The following NUDT9 variants were observed in gnomAD, a reference collection of about 807,000 sequenced individuals.
NUDT9 encodes the protein ADP-ribose pyrophosphatase.
NUDT9 carries 31 observed loss-of-function variants against 41.0 expected under a neutral mutation model. The observed-to-expected ratio is 0.76, with a 90% CI of 0.57 to 1.02. The LOEUF is 1.02. Ranked by LOEUF, NUDT9 falls within the 50% of genes least tolerant of loss-of-function variation. The pLI is 0.00. For synonymous variants in NUDT9, 146 were observed against 147.6 expected (o/e 0.99, Z 0.08); for missense variants, 380 against 431.4 (o/e 0.88, Z 1.06).
At chr4:87,430,508 T>C (rs905277203) in intron 1 of NUDT9, among the ~76,000 whole-genome samples, 2 of 152,242 alleles carry the variant, frequency 1.3e-5, no homozygotes, top group African/African-American at 2.4e-5. Context: ...CTGAATCTTT[T>C]TTCAGCAATG....
intron 1 of NUDT9, among the ~76,000 whole-genome samples, chr4:87,425,943 A>T (rs1462064389): frequency 6.6e-6 from 1 of 151,546 alleles, no homozygotes; most frequent in Admixed American, 6.6e-5. Context: ...AGTATCTGGT[A>T]CTACCGGTGC....
intron 4 of NUDT9, 89 bp downstream of exon 4, chr4:87,442,004 CCTGTGTGTATAT>C: frequency 1.2e-6 from 1 of 825,020 alleles, no homozygotes; most frequent in Non-Finnish European, 1.9e-6. Flanking sequence ...TATATGTATA[CCTGTGTGTATAT>C]ACATATGTAT....
At chr4:87,439,616 G>A (rs1042889518) in intron 3 of NUDT9, among the ~76,000 whole-genome samples, 4 of 150,966 alleles carry the variant, frequency 2.6e-5, no homozygotes, top group East Asian at 2.0e-4. Context: ...GGATTGTGCC[G>A]CTGCACTCCA....
Position 87,451,665 on chromosome 4 carries a change from A to G in NUDT9, c.719A>G (p.Gln240Arg). 2 of 1,613,936 alleles carry G rather than the reference A, an allele frequency of 1.2e-6. No homozygotes were observed. Among genetic ancestry groups the G allele is most frequent in the South Asian group, 1.1e-5 (1 of 91,066 alleles). The change falls in exon 6 of 8, where the codon CAG becomes CGG. Residue 240 changes from glutamine (Q) to arginine (R), a missense_variant. Gln to Arg is a conservative substitution (Grantham distance 43, BLOSUM62 1). Coordinates refer to ENST00000302174, the MANE Select transcript of NUDT9 (RefSeq NM_024047.5). The part of the protein sequence containing the change: ...EFGEEALNSL[Q>R]KTSAEKREIE... Reference sequence around the variant, plus strand: ...GGTGAGGAAGCTCTCAACTCCTTACAGAAAACCAGTGCTGAGAAGAGAGAA... The same window carrying G: ...GGTGAGGAAGCTCTCAACTCCTTACGGAAAACCAGTGCTGAGAAGAGAGAA...
chr4:87,429,724 C>T (rs1163208610), intron 1 of NUDT9, among the ~76,000 whole-genome samples: 2 of 135,158 alleles, frequency 1.5e-5, no homozygotes, highest in South Asian at 5.3e-4. Context: ...TCTTCTTTCC[C>T]CCTCATCTCC....
intron 1 of NUDT9, 37 bp from the exon 2 acceptor site, chr4:87,434,944 G>T: frequency 1.3e-6 from 2 of 1,558,890 alleles, no homozygotes; most frequent in South Asian, 1.2e-5. Flanking sequence ...ATATATTTTT[G>T]GTATTTATGT....
intron 1 of NUDT9, among the ~76,000 whole-genome samples, chr4:87,431,033 T>G (rs890329244): frequency 3.3e-5 from 5 of 152,238 alleles, no homozygotes; most frequent in African/African-American, 1.2e-4. Context: ...TCGTGAAATT[T>G]TGTCAGCATG....
intron 3 of NUDT9, 80 bp downstream of exon 3, chr4:87,438,452 G>T: frequency 2.6e-6 from 2 of 758,466 alleles, no homozygotes; most frequent in South Asian, 1.5e-5. Flanking sequence ...TCAAATCCTT[G>T]TATGTGCCAG....
chr4:87,433,420 A>C (rs1014604859), intron 1 of NUDT9, among the ~76,000 whole-genome samples: 2 of 152,074 alleles, frequency 1.3e-5, no homozygotes, highest in Non-Finnish European at 2.9e-5. Context: ...TGTGTTTCCT[A>C]ATGTTCAGAT....
In NUDT9 at chr4:87,435,191, T is replaced by A; in HGVS notation, c.318T>A (p.Ala106=). The change falls in exon 2 of 8, where the codon GCT becomes GCA. Residue 106 remains alanine, a synonymous_variant. Coordinates refer to ENST00000302174, the MANE Select transcript of NUDT9 (RefSeq NM_024047.5). ...AATACACTGCAGTCTCTGTCTTGGC[T>A]GGACCCAGGTGGGCAGATCCTCAGA... is the stretch of plus-strand genomic sequence containing the variant. The part of the protein sequence containing the change: ...PVEYTAVSVL[A]GPRWADPQIS... 2 of 1,613,902 alleles carry A rather than the reference T, an allele frequency of 1.2e-6. No individual in the cohort carries two copies. The highest frequency in any genetic ancestry group is 1.7e-6 in the Non-Finnish European group (2 of 1,179,820).
chr4:87,451,433 A>G (rs990096268), intron 5 of NUDT9, among the ~76,000 whole-genome samples, 156 bp from the exon 6 acceptor site: 1 of 152,240 alleles, frequency 6.6e-6, no homozygotes, highest in Non-Finnish European at 1.5e-5. Context: ...TCCTTCTACT[A>G]GCAACAGATG....
chr4:87,452,646 G>A (rs1722801575), intron 6 of NUDT9, among the ~76,000 whole-genome samples: 1 of 151,354 alleles, frequency 6.6e-6, no homozygotes, highest in Non-Finnish European at 1.5e-5. Flanking sequence ...ATAGAGATGG[G>A]GTTTTACCAT....
At chr4:87,434,539 T>C (rs1293672652) in intron 1 of NUDT9, 1 of 152,548 alleles carries the variant, frequency 6.6e-6, no homozygotes, top group Admixed American at 6.5e-5. Context: ...GTTGGACCTT[T>C]AGACTAATAT....
intron 5 of NUDT9, among the ~76,000 whole-genome samples, chr4:87,449,906 A>G (rs1485984905): frequency 6.6e-6 from 1 of 151,858 alleles, no homozygotes; most frequent in East Asian, 1.9e-4. Context: ...TCTGTTGCCC[A>G]GGCTGGAGTG....
chr4:87,453,453 C>A (rs536968748), intron 6 of NUDT9, among the ~76,000 whole-genome samples: 1 of 151,836 alleles, frequency 6.6e-6, no homozygotes, highest in African/African-American at 2.4e-5. Context: ...TGTTTTGAGA[C>A]AGTGTCTGGC....
intron 5 of NUDT9, among the ~76,000 whole-genome samples, 184 bp from the exon 6 acceptor site, chr4:87,451,405 T>C (rs1467610743): frequency 3.3e-5 from 5 of 152,242 alleles, no homozygotes; most frequent in Admixed American, 3.3e-4. Flanking sequence ...GCCAAATACA[T>C]GAGGTATCCT....
chr4:87,422,929 G>C lies in NUDT9; in HGVS notation c.24G>C (p.Lys8Asn). Residue 8 changes from lysine (K) to asparagine (N), a missense_variant, in exon 1 of 8, where the codon AAG becomes AAC. By Grantham distance (94) the Lys-to-Asn change is moderately conservative. Transcript: ENST00000302174. MAGRLLG[K>N]ALAAVSLSLA... ...TCATGGCGGGACGCCTCCTGGGAAA[G>C]GCTTTAGCCGCGGTGTCTCTCTCTC... is the stretch of plus-strand genomic sequence containing the variant. The C allele has an allele frequency of 6.2e-7, 1 of 1,611,974 alleles. No homozygotes were observed. The highest frequency in any genetic ancestry group is 8.5e-7 in the Non-Finnish European group (1 of 1,179,744).
rs193111855 is a variant in NUDT9 at position 87,431,771 on chromosome 4, C to T, written c.108-3210C>T. ...CTTGATCTCGGCTTACTGCAACCTC[C>T]GCCTCTGGGGTTTAAGTGATTCTCC... is the stretch of plus-strand genomic sequence containing the variant. On this transcript the variant is annotated intron_variant, in intron 1 of 7. Coordinates refer to ENST00000302174, the MANE Select transcript of NUDT9 (RefSeq NM_024047.5). Among the ~76,000 whole-genome samples the T allele has an allele frequency of 8.5e-5, 13 of 152,204 alleles. No individual in the cohort carries two copies. The East Asian group carries it at 1.9e-3, about 23-fold the overall frequency.
At chr4:87,431,336 G>T (rs943246060) in intron 1 of NUDT9, among the ~76,000 whole-genome samples, 1 of 152,162 alleles carries the variant, frequency 6.6e-6, no homozygotes, top group African/African-American at 2.4e-5. Context: ...TACTATAGCT[G>T]TGTAGTAAGT....
Sources: gnomAD v4.1 joint callset for allele counts (sites outside exome capture counted in the v4.1 genomes callset) on GRCh38, gnomAD v4.1.1 for gene constraint, MANE v1.5 for transcripts, NCBI Gene and HGNC (gene_info 2026-07-23, HGNC 2026-07-21) for gene names.